UBE2E2: variants seen among roughly 807,000 people sequenced by gnomAD.
UBE2E2 encodes the protein ubiquitin-conjugating enzyme E2 E2.
In UBE2E2, 6 loss-of-function variants were observed where a neutral mutation model predicts 24.7. The ratio of observed to expected loss-of-function variants is 0.24; its 90% CI spans 0.13 to 0.48. UBE2E2 has a LOEUF of 0.48. UBE2E2 is among the 20% of genes least tolerant of loss of function. The probability of loss-of-function intolerance (pLI) is 0.99; values close to 1 mark genes in which losing one functional copy is unlikely to be tolerated. For missense variants in UBE2E2, 169 were observed against 245.0 expected (o/e 0.69, Z 2.07); for synonymous variants, 104 against 83.6 (o/e 1.24, Z -1.33).
At position 23,474,813 on chromosome 3, in the gene UBE2E2, G is replaced by C. The variant is rs1699093783; in HGVS notation, c.228-24795G>C. Among the ~76,000 whole-genome samples, 1 of 151,964 alleles carries C rather than the reference G, an allele frequency of 6.6e-6. No homozygotes were observed. The highest frequency in any genetic ancestry group is 1.5e-5 in the Non-Finnish European group (1 of 68,020). Reference sequence around the variant, plus strand: ...GTGGTTTAATCCTCCTTCCTGTTTGGACATTTTGTATGCCCCGCCCTTCTT... The same window carrying C: ...GTGGTTTAATCCTCCTTCCTGTTTGCACATTTTGTATGCCCCGCCCTTCTT... On this transcript the variant is annotated intron_variant, in intron 3 of 5. Coordinates refer to ENST00000396703, the MANE Select transcript of UBE2E2 (RefSeq NM_152653.4). The surrounding 1 kb of genome is among the most constrained non-coding windows in gnomAD (Gnocchi z 4.0).
At chr3:23,380,175 G>A (rs910886753) in intron 3 of UBE2E2, among the ~76,000 whole-genome samples, 1 of 150,030 alleles carries the variant, frequency 6.7e-6, no homozygotes, top group Non-Finnish European at 1.5e-5. Context: ...ATACTCTTGT[G>A]GTAGTGACTA....
intron 3 of UBE2E2, among the ~76,000 whole-genome samples, chr3:23,357,433 A>G (rs578071059): frequency 6.6e-6 from 1 of 152,120 alleles, no homozygotes; most frequent in Non-Finnish European, 1.5e-5. Flanking sequence ...GTATATCTGC[A>G]TACACATAAA....
At position 23,434,847 on chromosome 3, in the gene UBE2E2, TC is replaced by T. The variant is rs558007428; in HGVS notation, c.228-64759del. Reference sequence around the variant, plus strand: ...TCTTATCTGAAGCAAGTGATTTTTTTCCATTTGCTTAAAAATAAAGCATTTG... The same window carrying T: ...TCTTATCTGAAGCAAGTGATTTTTTTCATTTGCTTAAAAATAAAGCATTTG... On this transcript the variant is annotated intron_variant, in intron 3 of 5. Coordinates refer to ENST00000396703, the MANE Select transcript of UBE2E2 (RefSeq NM_152653.4). Among the ~76,000 whole-genome samples, 64 of 152,286 alleles carry T rather than the reference TC, an allele frequency of 4.2e-4. No individual in the cohort carries two copies. In the Middle Eastern group the frequency reaches 0.01, roughly 24 times the overall value.
At position 23,306,611 on chromosome 3, in the gene UBE2E2, G is replaced by A. The variant is rs180816902; in HGVS notation, c.227+89299G>A. ...TGTTTATACTGCAAATGTCGATATT[G>A]CTTAGTGGCACTGATTGATGATTTA... On this transcript the variant is annotated intron_variant, in intron 3 of 5. Coordinates refer to ENST00000396703, the MANE Select transcript of UBE2E2 (RefSeq NM_152653.4). Among the ~76,000 whole-genome samples the A allele has an allele frequency of 5.3e-5, 8 of 152,256 alleles. No homozygotes were observed. The East Asian group carries it at 1.2e-3, about 22-fold the overall frequency.
At chr3:23,544,244 A>G (rs1425711460) in intron 5 of UBE2E2, among the ~76,000 whole-genome samples, 1 of 152,218 alleles carries the variant, frequency 6.6e-6, no homozygotes, top group Non-Finnish European at 1.5e-5. Context: ...GCACAGTGAA[A>G]GAAATAATCC....
At chr3:23,513,550 A>G (rs1488286550) in intron 4 of UBE2E2, among the ~76,000 whole-genome samples, 1 of 152,196 alleles carries the variant, frequency 6.6e-6, no homozygotes, top group African/African-American at 2.4e-5. Flanking sequence ...GACTTCTGCA[A>G]ATATATCCGT....
chr3:23,563,507 G>A (rs927118409), intron 5 of UBE2E2, among the ~76,000 whole-genome samples: 2 of 152,132 alleles, frequency 1.3e-5, no homozygotes, highest in Non-Finnish European at 2.9e-5. Context: ...GTCAGTTTTG[G>A]AATAGGTGTG....
intron 5 of UBE2E2, among the ~76,000 whole-genome samples, chr3:23,582,894 T>TGTGTGTGTG (rs1553622746): frequency 8.9e-6 from 1 of 112,882 alleles, no homozygotes; most frequent in Admixed American, 8.6e-5. Context: ...TGTGTGTGTG[T>TGTGTGTGTG]TGTGTGTTTG....
At chr3:23,255,367 T>C (rs1216334230) in intron 3 of UBE2E2, among the ~76,000 whole-genome samples, 1 of 152,068 alleles carries the variant, frequency 6.6e-6, no homozygotes, top group Non-Finnish European at 1.5e-5. Flanking sequence ...GTGCTGGGAT[T>C]ACAGGCGTGA....
chr3:23,260,600 T>G (rs1697868797), intron 3 of UBE2E2, among the ~76,000 whole-genome samples: 3 of 151,860 alleles, frequency 2.0e-5, no homozygotes, highest in Non-Finnish European at 2.9e-5. Flanking sequence ...ATTGCTTGAG[T>G]TCAGGAGTTC....
Position 23,474,757 on chromosome 3 carries a change from C to CA in UBE2E2, c.228-24850dup, listed in dbSNP as rs1006702901. Among the ~76,000 whole-genome samples, 2 of 152,028 alleles carry CA rather than the reference C, an allele frequency of 1.3e-5. No individual in the cohort carries two copies. The highest frequency in any genetic ancestry group is 4.8e-5 in the African/African-American group (2 of 41,300). On this transcript the variant is annotated intron_variant, in intron 3 of 5. Transcript: ENST00000396703. The surrounding 1 kb of genome is among the most constrained non-coding windows in gnomAD (Gnocchi z 4.0). ...CTCCCCTTTCCTCCTTCCTTCCTGT[C>CA]ACAGCAGAAAAGGTGTCAGTGCTTC...
chr3:23,395,013 T>C (rs1428589901), intron 3 of UBE2E2, among the ~76,000 whole-genome samples: 3 of 152,092 alleles, frequency 2.0e-5, no homozygotes, highest in African/African-American at 7.2e-5. Flanking sequence ...TCTTCTGAAA[T>C]AGCAGAACAG....
chr3:23,390,804 G>A (rs1329516384), intron 3 of UBE2E2, among the ~76,000 whole-genome samples: 4 of 152,100 alleles, frequency 2.6e-5, no homozygotes, highest in Non-Finnish European at 5.9e-5. Context: ...CCCACAAAGG[G>A]GTCAAGGGAA....
chr3:23,417,111 C>T (rs2125387203), intron 3 of UBE2E2, among the ~76,000 whole-genome samples: 1 of 152,274 alleles, frequency 6.6e-6, no homozygotes, highest in East Asian at 1.9e-4. Context: ...GAGTTGTGAT[C>T]TTTTAGAGGA....
chr3:23,533,079 A>G (rs924507061), intron 5 of UBE2E2, among the ~76,000 whole-genome samples: 1 of 152,204 alleles, frequency 6.6e-6, no homozygotes, highest in Non-Finnish European at 1.5e-5. Flanking sequence ...GGCTATTAAA[A>G]TCTGATAACA....
At chr3:23,348,932 C>T (rs919240807) in intron 3 of UBE2E2, among the ~76,000 whole-genome samples, 1 of 152,136 alleles carries the variant, frequency 6.6e-6, no homozygotes, top group Non-Finnish European at 1.5e-5. Context: ...TTATAGGGTT[C>T]TGCACACTCC....
At chr3:23,552,837 C>T (rs1443186677) in intron 5 of UBE2E2, among the ~76,000 whole-genome samples, 1 of 152,136 alleles carries the variant, frequency 6.6e-6, no homozygotes, top group African/African-American at 2.4e-5. Context: ...AGAAAAACAC[C>T]TCAAGATTAA....
chr3:23,313,530 G>T (rs905459030), intron 3 of UBE2E2, among the ~76,000 whole-genome samples: 1 of 151,610 alleles, frequency 6.6e-6, no homozygotes, highest in Non-Finnish European at 1.5e-5. Context: ...GATTACAGGC[G>T]CATACCACCA....
At position 23,230,943 on chromosome 3, in the gene UBE2E2, G is replaced by GT. The variant is rs752108202; in HGVS notation, c.227+13633dup. Reference sequence around the variant, plus strand: ...GTAGAACTAGCGCTGCTCTGTTAAAGTTAGAGGGAAACCACTTTTTTTGCT... The same window carrying GT: ...GTAGAACTAGCGCTGCTCTGTTAAAGTTTAGAGGGAAACCACTTTTTTTGCT... On this transcript the variant is annotated intron_variant, in intron 3 of 5. Transcript: ENST00000396703. Among the ~76,000 whole-genome samples, 10 of 152,140 alleles carry GT rather than the reference G, an allele frequency of 6.6e-5. No homozygotes were observed. In the South Asian group the frequency reaches 2.1e-3, roughly 32 times the overall value.
Sources: gnomAD v4.1 joint callset for allele counts (sites outside exome capture counted in the v4.1 genomes callset) on GRCh38, gnomAD v4.1.1 for gene constraint, Gnocchi (gnomAD v3.1) non-coding constraint, MANE v1.5 for transcripts, NCBI Gene and HGNC (gene_info 2026-07-23, HGNC 2026-07-21) for gene names.